The following COX7B2 variants were observed in gnomAD, a reference collection of about 807,000 sequenced individuals.
The protein encoded by COX7B2 is cytochrome c oxidase subunit 7B2, also known as cytochrome c oxidase subunit 7B2, mitochondrial.
For missense variants in COX7B2, 109 were observed against 95.9 expected, an observed-to-expected ratio of 1.14 and a Z score of -0.57; for synonymous variants, 37 against 32.1, an observed-to-expected ratio of 1.15 and a Z score of -0.51.
intron 2 of COX7B2, among the ~76,000 whole-genome samples, chr4:46,788,057 A>G (rs772807362): frequency 6.6e-6 from 1 of 152,158 alleles, no homozygotes; most frequent in Non-Finnish European, 1.5e-5. Flanking sequence ...TCAGCTGGGC[A>G]CACAGACTTG....
intron 2 of COX7B2, among the ~76,000 whole-genome samples, chr4:46,820,008 G>A (rs56035031): frequency 0.02 from 3,062 of 152,236 alleles, 94 homozygotes; most frequent in African/African-American, 0.069. Context: ...AACATTTTTG[G>A]TACCAGGAAC....
chr4:46,892,897 C>T (rs1048688811), intron 1 of COX7B2, among the ~76,000 whole-genome samples: 1 of 152,144 alleles, frequency 6.6e-6, no homozygotes, highest in Admixed American at 6.5e-5. Context: ...ATGCTATTCT[C>T]ATGATAGTAA....
chr4:46,752,233 G>A (rs1715430403), intron 2 of COX7B2, among the ~76,000 whole-genome samples: 1 of 152,006 alleles, frequency 6.6e-6, no homozygotes, highest in Non-Finnish European at 1.5e-5. Flanking sequence ...TGTTATTGGT[G>A]TATAAGAATG....
intron 1 of COX7B2, among the ~76,000 whole-genome samples, chr4:46,899,893 A>T (rs1287105576): frequency 6.6e-6 from 1 of 152,154 alleles, no homozygotes; most frequent in Non-Finnish European, 1.5e-5. Context: ...ACAAAAAGTC[A>T]TGTACTGGAT....
At chr4:46,770,313 A>G (rs1207141652) in intron 2 of COX7B2, among the ~76,000 whole-genome samples, 1 of 152,140 alleles carries the variant, frequency 6.6e-6, no homozygotes, top group Non-Finnish European at 1.5e-5. Flanking sequence ...TGTACATTGT[A>G]AACTATGAAA....
intron 1 of COX7B2, among the ~76,000 whole-genome samples, chr4:46,863,833 A>T (rs1201336372): frequency 1.3e-5 from 2 of 152,128 alleles, no homozygotes; most frequent in Non-Finnish European, 2.9e-5. Flanking sequence ...TGTTCTTGAA[A>T]CTTTATATTT....
At chr4:46,743,227 T>G (rs73815403) in intron 2 of COX7B2, among the ~76,000 whole-genome samples, 1,830 of 152,300 alleles carry the variant, frequency 0.012, 38 homozygotes, top group African/African-American at 0.042. Flanking sequence ...ACAGTACCTT[T>G]CAAATATGTA....
intron 2 of COX7B2, among the ~76,000 whole-genome samples, chr4:46,744,141 C>T (rs114569705): frequency 0.011 from 1,668 of 151,990 alleles, 19 homozygotes; most frequent in Middle Eastern, 0.038. Context: ...AAAATTGACC[C>T]TTCTTGTTTT....
chr4:46,906,093 T>C (rs1273063132), intron 1 of COX7B2, among the ~76,000 whole-genome samples: 1 of 151,878 alleles, frequency 6.6e-6, no homozygotes, highest in Non-Finnish European at 1.5e-5. Context: ...CCTCCCAAAG[T>C]GCTGGGGTTA....
chr4:46,874,640 A>G (rs1026975236), intron 1 of COX7B2, among the ~76,000 whole-genome samples: 5 of 152,120 alleles, frequency 3.3e-5, no homozygotes, highest in African/African-American at 1.2e-4. Flanking sequence ...GTTTTGATAC[A>G]TAGGTTTTAT....
At chr4:46,809,700 T>C (rs528045682) in intron 2 of COX7B2, among the ~76,000 whole-genome samples, 1 of 152,014 alleles carries the variant, frequency 6.6e-6, no homozygotes, top group Non-Finnish European at 1.5e-5. Flanking sequence ...TTTCATGTAT[T>C]CTGGAAAAAA....
At chr4:46,886,088 T>C (rs1003751159) in intron 1 of COX7B2, among the ~76,000 whole-genome samples, 8 of 152,158 alleles carry the variant, frequency 5.3e-5, no homozygotes, top group African/African-American at 1.9e-4. Flanking sequence ...TATTAATCTG[T>C]ACTTGCCCCA....
intron 2 of COX7B2, among the ~76,000 whole-genome samples, chr4:46,752,550 T>C (rs923115675): frequency 1.3e-5 from 2 of 152,156 alleles, no homozygotes; most frequent in Non-Finnish European, 2.9e-5. Flanking sequence ...TAATTGGCTT[T>C]GGGTTTATCA....
intron 1 of COX7B2, among the ~76,000 whole-genome samples, chr4:46,897,116 T>C (rs1432118947): frequency 6.6e-6 from 1 of 152,088 alleles, no homozygotes; most frequent in Non-Finnish European, 1.5e-5. Context: ...TTCCCAAATG[T>C]CCTATGTTAG....
chr4:46,752,851 G>A (rs1715484010), intron 2 of COX7B2, among the ~76,000 whole-genome samples: 1 of 152,124 alleles, frequency 6.6e-6, no homozygotes, highest in Non-Finnish European at 1.5e-5. Flanking sequence ...TTGCATCGAT[G>A]TTCATCAGCG....
At chr4:46,872,410 G>A (rs1272215162) in intron 1 of COX7B2, among the ~76,000 whole-genome samples, 2 of 152,088 alleles carry the variant, frequency 1.3e-5, no homozygotes, top group Non-Finnish European at 2.9e-5. Flanking sequence ...AATCTGTACA[G>A]CAAACCCATT....
intron 2 of COX7B2, among the ~76,000 whole-genome samples, chr4:46,804,990 C>A (rs1718917655): frequency 6.6e-6 from 1 of 152,188 alleles, no homozygotes; most frequent in Admixed American, 6.5e-5. Context: ...GCATGGGAGG[C>A]AGCTAAGGCC....
chr4:46,792,096 G>A (rs1718080085), intron 2 of COX7B2, among the ~76,000 whole-genome samples: 3 of 152,190 alleles, frequency 2.0e-5, no homozygotes, highest in African/African-American at 7.2e-5. Flanking sequence ...AATCCCTATT[G>A]TGCCCTTGAC....
At chr4:46,801,990 T>C (rs1485670130) in intron 2 of COX7B2, among the ~76,000 whole-genome samples, 2 of 152,108 alleles carry the variant, frequency 1.3e-5, no homozygotes, top group Non-Finnish European at 1.5e-5. Flanking sequence ...CTAGACACAA[T>C]AGCCTCTAGA....
Sources: gnomAD v4.1 joint callset for allele counts (sites outside exome capture counted in the v4.1 genomes callset) on GRCh38, gnomAD v4.1.1 for gene constraint, MANE v1.5 for transcripts, NCBI Gene and HGNC (gene_info 2026-07-23, HGNC 2026-07-21) for gene names.